The following NELL1 variants were observed in gnomAD, a reference collection of about 807,000 sequenced individuals.
NELL1 encodes the protein neural EGFL like 1.
In NELL1, 76 loss-of-function variants were observed where a neutral mutation model predicts 107.4. The observed-to-expected ratio is 0.71, with a 90% confidence interval of 0.59 to 0.86. The LOEUF is 0.86. NELL1 is among the 40% of genes least tolerant of loss of function. NELL1 has a pLI of 0.00. For synonymous variants in NELL1, 353 were observed against 341.2 expected (o/e 1.03, Z -0.38); for missense variants, 1,024 against 1,005.5 (o/e 1.02, Z -0.25).
intron 2 of NELL1, among the ~76,000 whole-genome samples, chr11:20,699,172 G>A (rs143281152): frequency 1.1e-3 from 166 of 151,364 alleles, no homozygotes; most frequent in African/African-American, 3.9e-3. Context: ...AGTGGAGATC[G>A]TACCACTGTA....
intron 1 of NELL1, among the ~76,000 whole-genome samples, chr11:20,672,060 C>T (rs750116367): frequency 6.6e-6 from 1 of 152,136 alleles, no homozygotes; most frequent in Admixed American, 6.5e-5. Flanking sequence ...CACTAGAGGC[C>T]GCATATTTCT....
At chr11:20,694,368 G>A (rs1010150338) in intron 2 of NELL1, among the ~76,000 whole-genome samples, 1 of 151,780 alleles carries the variant, frequency 6.6e-6, no homozygotes, top group Non-Finnish European at 1.5e-5. Flanking sequence ...GGTATTTTCT[G>A]GGTTTTCTTC....
chr11:21,488,746 G>A (rs1854712368), intron 15 of NELL1, among the ~76,000 whole-genome samples: 1 of 152,004 alleles, frequency 6.6e-6, no homozygotes, highest in Non-Finnish European at 1.5e-5. Context: ...ACGTGACAAT[G>A]GGAAAATAAC....
At chr11:21,511,648 C>T (rs143690753) in intron 15 of NELL1, among the ~76,000 whole-genome samples, 177 of 152,230 alleles carry the variant, frequency 1.2e-3, no homozygotes, top group Middle Eastern at 6.8e-3. Context: ...CAGACTGTGG[C>T]ATTTGAACTG....
At chr11:21,310,385 T>A (rs2133644338) in intron 14 of NELL1, among the ~76,000 whole-genome samples, 1 of 152,200 alleles carries the variant, frequency 6.6e-6, no homozygotes, top group Non-Finnish European at 1.5e-5. Context: ...CAGCAAATAT[T>A]CACTGAGTGG....
chr11:21,531,426 A>G (rs1345522677), intron 15 of NELL1, among the ~76,000 whole-genome samples: 2 of 152,134 alleles, frequency 1.3e-5, no homozygotes, highest in African/African-American at 2.4e-5. Context: ...GTATTTCACC[A>G]TTTGTAAGCT....
At chr11:20,823,270 T>C (rs1857799865) in intron 3 of NELL1, among the ~76,000 whole-genome samples, 1 of 151,148 alleles carries the variant, frequency 6.6e-6, no homozygotes, top group Non-Finnish European at 1.5e-5. Context: ...AAGCAGAAAC[T>C]CCTGATAAAA....
At chr11:21,419,008 G>T (rs1163131907) in intron 15 of NELL1, among the ~76,000 whole-genome samples, 1 of 152,094 alleles carries the variant, frequency 6.6e-6, no homozygotes, top group African/African-American at 2.4e-5. Context: ...GAGCAGAGAG[G>T]GAGGGTCTCT....
intron 12 of NELL1, among the ~76,000 whole-genome samples, chr11:21,076,248 G>A (rs1297776548): frequency 3.3e-5 from 5 of 152,192 alleles, no homozygotes; most frequent in Admixed American, 6.5e-5. Context: ...TGTGTAACAC[G>A]GATACCACAT....
intron 15 of NELL1, among the ~76,000 whole-genome samples, chr11:21,532,925 G>A (rs1230571231): frequency 1.3e-5 from 2 of 152,072 alleles, no homozygotes; most frequent in South Asian, 4.2e-4. Context: ...AGAGAACCTG[G>A]ACCTGTAAAA....
At chr11:21,273,017 C>A (rs1283145747) in intron 14 of NELL1, among the ~76,000 whole-genome samples, 1 of 152,212 alleles carries the variant, frequency 6.6e-6, no homozygotes, top group Non-Finnish European at 1.5e-5. Context: ...CAAAGGAATG[C>A]AGCTCCTCAC....
chr11:21,516,286 T>C (rs1414046974), intron 15 of NELL1, among the ~76,000 whole-genome samples: 1 of 152,160 alleles, frequency 6.6e-6, no homozygotes, highest in East Asian at 1.9e-4. Context: ...TTAATAGGCA[T>C]TGAAAAAACT....
At chr11:21,548,732 T>C (rs367556993) in intron 16 of NELL1, among the ~76,000 whole-genome samples, 1 of 151,700 alleles carries the variant, frequency 6.6e-6, no homozygotes, top group African/African-American at 2.4e-5. Flanking sequence ...TTCTACAGAA[T>C]TGGGAGTCAA....
intron 2 of NELL1, among the ~76,000 whole-genome samples, chr11:20,706,583 G>A (rs1254346621): frequency 1.4e-4 from 22 of 151,798 alleles, no homozygotes; most frequent in East Asian, 3.9e-4. Flanking sequence ...TGATGAGTTA[G>A]TGGGTGCAGC....
intron 15 of NELL1, among the ~76,000 whole-genome samples, chr11:21,471,567 A>T (rs1854183144): frequency 6.6e-6 from 1 of 151,962 alleles, no homozygotes; most frequent in Non-Finnish European, 1.5e-5. Context: ...AAAAGCTAAC[A>T]TTTATTGTTT....
At chr11:21,145,102 C>T (rs1056100936) in intron 13 of NELL1, among the ~76,000 whole-genome samples, 1 of 152,118 alleles carries the variant, frequency 6.6e-6, no homozygotes, top group African/African-American at 2.4e-5. Context: ...ATAGTCAGTG[C>T]TATATAGCTA....
intron 2 of NELL1, among the ~76,000 whole-genome samples, chr11:20,706,151 C>G (rs1343698874): frequency 6.6e-6 from 1 of 152,138 alleles, no homozygotes; most frequent in Admixed American, 6.5e-5. Context: ...TTTGACCCAG[C>G]CATCCCATTA....
chr11:20,919,998 A>G (rs548034156), intron 7 of NELL1, among the ~76,000 whole-genome samples: 3 of 152,264 alleles, frequency 2.0e-5, no homozygotes, highest in African/African-American at 4.8e-5. Flanking sequence ...TACCCTAGAT[A>G]TGTTCATACT....
intron 12 of NELL1, among the ~76,000 whole-genome samples, chr11:21,074,375 A>G (rs1162292583): frequency 1.3e-5 from 2 of 152,118 alleles, no homozygotes; most frequent in African/African-American, 4.8e-5. Context: ...TATTTGTTAA[A>G]TTTAATTAAA....
Sources: allele counts gnomAD v4.1 joint callset (sites outside exome capture counted in the v4.1 genomes callset), GRCh38; gene constraint gnomAD v4.1.1; transcripts MANE v1.5; gene names NCBI Gene and HGNC (gene_info 2026-07-23, HGNC 2026-07-21).